The following DNMBP variants were observed in gnomAD, a reference collection of about 807,000 sequenced individuals.
The protein encoded by DNMBP is dynamin binding protein.
Under a neutral mutation model 150.0 loss-of-function variants are expected in DNMBP, and 87 were observed. That is an observed-to-expected ratio of 0.58 (90% CI 0.49 to 0.69). DNMBP has a LOEUF of 0.69. DNMBP is among the 30% of genes least tolerant of loss of function. DNMBP has a pLI of 0.00. For missense variants in DNMBP, 1,774 were observed against 1,949.0 expected (o/e 0.91, Z 1.69); for synonymous variants, 711 against 750.4 (o/e 0.95, Z 0.86).
intron 1 of DNMBP, among the ~76,000 whole-genome samples, chr10:99,993,040 C>T (rs1033001931): frequency 1.3e-5 from 2 of 151,884 alleles, no homozygotes; most frequent in Admixed American, 1.3e-4. Context: ...CCTGACTCAA[C>T]ATAAAAATAA....
chr10:99,884,294 A>C (rs1287290437), intron 14 of DNMBP, 85 bp from the exon 15 acceptor site: 2 of 1,260,360 alleles, frequency 1.6e-6, no homozygotes, highest in East Asian at 4.7e-5. Flanking sequence ...CCAGTCTCAG[A>C]AATGAGGCAG....
chr10:99,947,608 C>T (rs1264350647), intron 4 of DNMBP, among the ~76,000 whole-genome samples: 1 of 151,932 alleles, frequency 6.6e-6, no homozygotes, highest in African/African-American at 2.4e-5. Context: ...TGAAAAACTG[C>T]CTATTAGGTA....
chr10:99,904,690 C>T (rs1287939628), intron 6 of DNMBP, among the ~76,000 whole-genome samples: 1 of 152,160 alleles, frequency 6.6e-6, no homozygotes, highest in Non-Finnish European at 1.5e-5. Context: ...AGTGTTGAGG[C>T]CTCTCTGCCA....
chr10:99,909,176 C>T lies in DNMBP; in HGVS notation c.2261-30G>A, dbSNP rs2039869899. 3 of 1,577,008 alleles carry T rather than the reference C, an allele frequency of 1.9e-6. No individual in the cohort carries two copies. The East Asian group carries it at 6.7e-5, about 35-fold the overall frequency. On this transcript the variant is annotated intron_variant, in intron 4 of 16. Coordinates refer to ENST00000324109, the MANE Select transcript of DNMBP (RefSeq NM_015221.4). ...AAGGGAAAAGAGAACTGGTTAGCAGCTCTGGGTGTAAAAGCAGCACCCTTC... is the reference window on the plus strand; with the variant it reads ...AAGGGAAAAGAGAACTGGTTAGCAGTTCTGGGTGTAAAAGCAGCACCCTTC...
At chr10:99,943,998 T>C (rs151241973) in intron 4 of DNMBP, among the ~76,000 whole-genome samples, 263 of 152,336 alleles carry the variant, frequency 1.7e-3, no homozygotes, top group African/African-American at 6.1e-3. Context: ...GTAGAGTCTC[T>C]GGTCAACCTT....
intron 11 of DNMBP, among the ~76,000 whole-genome samples, chr10:99,894,031 C>T (rs1487729581): frequency 6.6e-6 from 1 of 152,102 alleles, no homozygotes; most frequent in African/African-American, 2.4e-5. Flanking sequence ...GATATTCAGG[C>T]TGGACATGGT....
intron 1 of DNMBP, among the ~76,000 whole-genome samples, chr10:99,984,984 C>T (rs1356980222): frequency 6.6e-6 from 1 of 152,182 alleles, no homozygotes; most frequent in African/African-American, 2.4e-5. Flanking sequence ...TCAAGCAATC[C>T]TCCAGCCTCA....
rs375209058 is a variant in DNMBP, at chr10:99,880,233, G to A, written c.4126C>T (p.Arg1376Cys). ...EHGSSSPRFP[R>C]QNSGSTLTFN... ...GTCAGGGTGCTGCCGCTGTTCTGGC[G>A]TGGGAACCTGGGGGAGGAGCTGCCG... The change falls in exon 16 of 17, where the codon CGC (arginine) becomes TGC (cysteine). Residue 1376 changes from arginine to cysteine, a missense_variant. Arg to Cys is a radical substitution (Grantham distance 180). This residue lies in a region of DNMBP where 1,430 missense variants were observed against 1,492.5 expected (regional missense o/e 0.96). Coordinates refer to ENST00000324109, the MANE Select transcript of DNMBP (RefSeq NM_015221.4). 123 of 1,614,044 alleles carry A rather than the reference G, an allele frequency of 7.6e-5. No individual in the cohort carries two copies. Among genetic ancestry groups the A allele is most frequent in the Admixed American group, 1.8e-4 (11 of 60,004 alleles).
At chr10:99,906,674 G>A (rs1289245452) in intron 6 of DNMBP, among the ~76,000 whole-genome samples, 3 of 152,104 alleles carry the variant, frequency 2.0e-5, no homozygotes, top group African/African-American at 7.2e-5. Flanking sequence ...GGCTCACGTG[G>A]CAAGAAACTG....
intron 1 of DNMBP, among the ~76,000 whole-genome samples, chr10:99,998,536 C>T (rs943242316): frequency 7.0e-6 from 1 of 143,690 alleles, no homozygotes; most frequent in African/African-American, 2.6e-5. Context: ...GCCAAGATCA[C>T]ACCACTGCAC....
rs1047251592 is a variant in DNMBP at position 99,929,796 on chromosome 10, CT to C, written c.2261-20651del. On this transcript the variant is annotated intron_variant, in intron 4 of 16. Transcript: ENST00000324109. ...CAAATGATGTCCTCCTTGTTCTCCC[CT>C]GGTACACTGAGTCTGCAGACCATCC... 6.5e-5 allele frequency: 46 copies of C among 702,858 alleles called. No homozygotes were observed. In the Admixed American group the frequency reaches 9.0e-4, roughly 14 times the overall value. 43.5% of individuals were successfully genotyped at this position (702,858 alleles called of 1,614,324 possible). A position where few individuals can be genotyped will look rare whatever the true frequency, so the allele number is the denominator to read the frequency against.
Position 99,997,597 on chromosome 10 carries a change from C to CTA in DNMBP, c.-11+12239_-11+12240dup, listed in dbSNP as rs561918456. Among the ~76,000 whole-genome samples the CTA allele has an allele frequency of 4.3e-4, 65 of 152,044 alleles. 2 individuals are homozygous for CTA. Among genetic ancestry groups the CTA allele is most frequent in the African/African-American group, 1.6e-3 (65 of 41,486 alleles). On this transcript the variant is annotated intron_variant, in intron 1 of 16. Transcript: ENST00000324109. Reference sequence around the variant, plus strand: ...TAAAAAATCCAGAATGTGGGAAACTCTAGAGAATAAACGACCAGTTTCTTC... The same window carrying CTA: ...TAAAAAATCCAGAATGTGGGAAACTCTATAGAGAATAAACGACCAGTTTCTTC...
intron 15 of DNMBP, among the ~76,000 whole-genome samples, chr10:99,881,242 C>T (rs1471380744): frequency 1.3e-5 from 2 of 152,084 alleles, no homozygotes; most frequent in Non-Finnish European, 2.9e-5. Context: ...AAAAAAGCCT[C>T]AGCTCAAGAA....
chr10:99,975,613 A>G (rs924090738), intron 1 of DNMBP, among the ~76,000 whole-genome samples: 4 of 152,178 alleles, frequency 2.6e-5, no homozygotes, highest in African/African-American at 9.7e-5. Flanking sequence ...GGTATTTCCC[A>G]CAGATGCTAC....
At chr10:99,881,804 AAAATCCACAAGATGCTTT>A (rs2039371218) in intron 15 of DNMBP, among the ~76,000 whole-genome samples, 2 of 152,154 alleles carry the variant, frequency 1.3e-5, no homozygotes, top group South Asian at 4.2e-4. Context: ...GGGGAGAAAA[AAAATCCACAAGATGCTTT>A]TAAAGAAACC....
At chr10:99,998,843 G>A (rs2040980816) in intron 1 of DNMBP, among the ~76,000 whole-genome samples, 1 of 152,098 alleles carries the variant, frequency 6.6e-6, no homozygotes, top group African/African-American at 2.4e-5. Context: ...GCAAAGGGAG[G>A]TGAAATACAG....
chr10:100,002,084 T>G (rs942997534), intron 1 of DNMBP, among the ~76,000 whole-genome samples: 1 of 152,152 alleles, frequency 6.6e-6, no homozygotes, highest in Non-Finnish European at 1.5e-5. Flanking sequence ...CATGAGTTAA[T>G]GATCTAGCCC....
chr10:99,995,892 T>C (rs923887804), intron 1 of DNMBP, among the ~76,000 whole-genome samples: 1 of 152,268 alleles, frequency 6.6e-6, no homozygotes, highest in Non-Finnish European at 1.5e-5. Context: ...TCAGGCACAG[T>C]AGGCATTGAT....
At chr10:99,917,368 T>G (rs1311325730) in intron 4 of DNMBP, among the ~76,000 whole-genome samples, 2 of 152,146 alleles carry the variant, frequency 1.3e-5, no homozygotes, top group Non-Finnish European at 2.9e-5. Context: ...AAAAAGTTTA[T>G]GAAAGAATTG....
Sources: gnomAD v4.1 joint callset for allele counts (sites outside exome capture counted in the v4.1 genomes callset) on GRCh38, gnomAD v4.1.1 for gene constraint, gnomAD v4.1.1 regional missense constraint, MANE v1.5 for transcripts, NCBI Gene and HGNC (gene_info 2026-07-23, HGNC 2026-07-21) for gene names.